Variants in MTBP observed in about 807,000 individuals in gnomAD.
The protein encoded by MTBP is mdm2-binding protein.
MTBP carries 101 observed loss-of-function variants against 117.0 expected under a neutral mutation model. The observed-to-expected ratio is 0.86, with a 90% CI of 0.73 to 1.02. The LOEUF is 1.02. Ranked by LOEUF, MTBP falls within the 50% of genes least tolerant of loss-of-function variation. The pLI, the probability that MTBP is intolerant of heterozygous loss-of-function variation, is 0.00. For missense variants in MTBP, 970 were observed against 1,030.9 expected (o/e 0.94, Z 0.81); for synonymous variants, 350 against 351.5 (o/e 1.00, Z 0.05).
rs1185537104 is a variant in MTBP at position 120,445,520 on chromosome 8, C to T, written c.50C>T (p.Ser17Leu). 1.2e-6 allele frequency: 2 copies of T among 1,613,412 alleles called. No homozygotes were observed. The highest frequency in any genetic ancestry group is 1.1e-5 in the South Asian group (1 of 91,036). ...ATCTGGGGGGAAGGAAAATTCCCGTCGGCGGCCAGTAGGGAGGCAGAACAT... is the reference window on the plus strand; with the variant it reads ...ATCTGGGGGGAAGGAAAATTCCCGTTGGCGGCCAGTAGGGAGGCAGAACAT... ...LVIWGEGKFP[S>L]AASREAEHGP... The change falls in exon 1 of 22, where the codon TCG (serine) becomes TTG (leucine). Residue 17 changes from serine (S) to leucine (L), a missense_variant. Physicochemically the swap from Ser to Leu is moderately radical, Grantham distance 145. Transcript: ENST00000305949.
At chr8:120,508,839 A>G (rs6469934) in intron 16 of MTBP, among the ~76,000 whole-genome samples, 80,429 of 151,994 alleles carry the variant, frequency 0.53, 24,559 homozygotes, top group Non-Finnish European at 0.67. Flanking sequence ...CTTCAGGACC[A>G]TGATCCATTA....
chr8:120,484,819 C>T (rs1814175297), intron 11 of MTBP, among the ~76,000 whole-genome samples: 2 of 152,120 alleles, frequency 1.3e-5, no homozygotes, highest in South Asian at 2.1e-4. Flanking sequence ...TTCCACCACC[C>T]ATTCCTCCTC....
At chr8:120,476,512 G>A (rs149128497) in intron 11 of MTBP, among the ~76,000 whole-genome samples, 5 of 152,134 alleles carry the variant, frequency 3.3e-5, no homozygotes, top group African/African-American at 7.2e-5. Context: ...AAACTCCATC[G>A]TCTCAGCCCA....
intron 15 of MTBP, among the ~76,000 whole-genome samples, chr8:120,504,882 T>A (rs1045818838): frequency 6.6e-6 from 1 of 152,074 alleles, no homozygotes; most frequent in Non-Finnish European, 1.5e-5. Context: ...TTTTTGGTAG[T>A]CATATTTTAA....
Position 120,515,941 on chromosome 8 carries a change from CGAAAAGCTTTG to C in MTBP, c.2001_2011del (p.Ala668ArgfsTer6). On this transcript the variant is annotated frameshift_variant, in exon 18 of 22. Transcript: ENST00000305949. LOFTEE classifies it high-confidence loss of function. Reference sequence around the variant, plus strand: ...TCATTTTAGATATTGCTTGGATGACCGAAAAGCTTTGGAAAGAGATGGAGGATTTTCTGAAC... The same window carrying C: ...TCATTTTAGATATTGCTTGGATGACCGAAAGAGATGGAGGATTTTCTGAAC... The C allele has an allele frequency of 6.2e-7, 1 of 1,612,178 alleles. No individual in the cohort carries two copies. Among genetic ancestry groups the C allele is most frequent in the Non-Finnish European group, 8.5e-7 (1 of 1,178,846 alleles).
intron 8 of MTBP, 29 bp downstream of exon 8, chr8:120,459,378 C>A: frequency 1.3e-6 from 2 of 1,578,372 alleles, no homozygotes; most frequent in South Asian, 2.3e-5. Context: ...TTTGTGTGAT[C>A]ATTCATGTGT....
At chr8:120,476,414 G>C (rs1813940036) in intron 11 of MTBP, among the ~76,000 whole-genome samples, 1 of 151,422 alleles carries the variant, frequency 6.6e-6, no homozygotes, top group Admixed American at 6.6e-5. Flanking sequence ...AAGGTAATCA[G>C]GCAAGAGAAA....
In MTBP at chr8:120,497,654, T is replaced by C. The variant is rs1814498742; in HGVS notation, c.1609+100T>C. Reference sequence around the variant, plus strand: ...AATGTATTGGTCAAATCAAAATGTATTTCACAAATTTAAATAATAATAGAT... The same window carrying C: ...AATGTATTGGTCAAATCAAAATGTACTTCACAAATTTAAATAATAATAGAT... On this transcript the variant is annotated intron_variant, in intron 14 of 21. Coordinates refer to ENST00000305949, the MANE Select transcript of MTBP (RefSeq NM_022045.5). 5 of 729,732 alleles carry C rather than the reference T, an allele frequency of 6.9e-6. No individual in the cohort carries two copies. In the East Asian group the frequency reaches 8.5e-5, roughly 12 times the overall value. 45.2% of individuals were successfully genotyped at this position (729,732 alleles called of 1,614,324 possible). A position where few individuals can be genotyped will look rare whatever the true frequency, so the allele number is the denominator to read the frequency against.
At chr8:120,461,319 A>C (rs962073088) in intron 9 of MTBP, 64 bp downstream of exon 9, 1 of 1,155,596 alleles carries the variant, frequency 8.7e-7, no homozygotes, top group Admixed American at 1.8e-5. Context: ...ATGTTCTGGT[A>C]TTGTCAGGTA....
chr8:120,457,049 T>G (rs1813483823), intron 7 of MTBP, among the ~76,000 whole-genome samples: 1 of 152,228 alleles, frequency 6.6e-6, no homozygotes, highest in African/African-American at 2.4e-5. Context: ...TTATTGCATG[T>G]GTAAACTACT....
rs1318289645 is a variant in MTBP, at chr8:120,501,912, A to G, written c.1610-580A>G. Among the ~76,000 whole-genome samples, 6 of 152,346 alleles carry G rather than the reference A, an allele frequency of 3.9e-5. No individual in the cohort carries two copies. The East Asian group carries it at 1.2e-3, about 29-fold the overall frequency. ...GTGTATTATCTAGAAAGATAAGCAC[A>G]CTCTTACACATAATATTTGATTAGT... is the stretch of plus-strand genomic sequence containing the variant. On this transcript the variant is annotated intron_variant, in intron 14 of 21. Transcript: ENST00000305949.
intron 13 of MTBP, among the ~76,000 whole-genome samples, chr8:120,496,720 AG>A (rs1202816316): frequency 1.4e-5 from 2 of 147,514 alleles, no homozygotes; most frequent in East Asian, 2.0e-4. Context: ...AAAAAAAAAA[AG>A]AAAAAAAAAT....
chr8:120,488,506 A>G (rs1490283080), intron 12 of MTBP, among the ~76,000 whole-genome samples, 174 bp downstream of exon 12: 1 of 152,200 alleles, frequency 6.6e-6, no homozygotes, highest in African/African-American at 2.4e-5. Flanking sequence ...TATTTTTACA[A>G]TTTAATGTGC....
intron 4 of MTBP, among the ~76,000 whole-genome samples, chr8:120,453,628 A>G (rs943326495): frequency 2.6e-5 from 4 of 152,128 alleles, no homozygotes; most frequent in Non-Finnish European, 5.9e-5. Context: ...CCTAGCTTCC[A>G]TACATACTAA....
intron 16 of MTBP, among the ~76,000 whole-genome samples, chr8:120,509,038 T>C (rs1414806189): frequency 2.6e-5 from 4 of 152,152 alleles, no homozygotes; most frequent in Admixed American, 2.6e-4. Context: ...ACATGCCAGT[T>C]GATTGAAAAC....
At chr8:120,447,967 C>A (rs973906879) in intron 2 of MTBP, among the ~76,000 whole-genome samples, 4 of 151,616 alleles carry the variant, frequency 2.6e-5, no homozygotes, top group Admixed American at 6.6e-5. Flanking sequence ...CACTTTGTTG[C>A]TCAGGCTGGA....
intron 11 of MTBP, among the ~76,000 whole-genome samples, chr8:120,474,304 G>A (rs1375629523): frequency 6.6e-6 from 1 of 151,778 alleles, no homozygotes; most frequent in Non-Finnish European, 1.5e-5. Context: ...AAATCAAACT[G>A]GACAGTTGAT....
intron 11 of MTBP, chr8:120,474,045 G>T (rs1037243690): frequency 6.6e-6 from 1 of 151,840 alleles, no homozygotes; most frequent in Admixed American, 6.6e-5. Context: ...CTTAACTTAG[G>T]CGTGGGGGTT....
intron 20 of MTBP, among the ~76,000 whole-genome samples, chr8:120,520,668 A>G (rs1586976665): frequency 1.3e-5 from 2 of 152,162 alleles, no homozygotes; most frequent in East Asian, 3.9e-4. Flanking sequence ...GAAATAATCT[A>G]GTTTATATAT....
Sources: allele counts gnomAD v4.1 joint callset (sites outside exome capture counted in the v4.1 genomes callset), GRCh38; gene constraint gnomAD v4.1.1; transcripts MANE v1.5; gene names NCBI Gene and HGNC (gene_info 2026-07-23, HGNC 2026-07-21).